The following ZNF804A variants were observed in gnomAD, a reference collection of about 807,000 sequenced individuals.
ZNF804A encodes the protein zinc finger protein 804A.
A neutral mutation model predicts 16.5 loss-of-function variants in ZNF804A; 2 were observed. That is an observed-to-expected ratio of 0.12 (90% confidence interval 0.05 to 0.38). The LOEUF is 0.38. ZNF804A is among the 10% of genes least tolerant of loss of function. ZNF804A has a pLI of 0.99. For missense variants in ZNF804A, 1,473 were observed against 1,390.7 expected, an observed-to-expected ratio of 1.06 and a Z score of -0.94; for synonymous variants, 534 against 489.6, an observed-to-expected ratio of 1.09 and a Z score of -1.20.
At chr2:184,696,383 A>C (rs958571961) in intron 1 of ZNF804A, among the ~76,000 whole-genome samples, 2 of 152,140 alleles carry the variant, frequency 1.3e-5, no homozygotes. Context: ...ATCTAGTAAA[A>C]AGAGGGATGG....
chr2:184,828,892 G>A (rs769947372), intron 1 of ZNF804A, among the ~76,000 whole-genome samples: 3 of 151,756 alleles, frequency 2.0e-5, no homozygotes, highest in Non-Finnish European at 4.4e-5. Flanking sequence ...AGAATCAAAC[G>A]AAAATGAGAC....
intron 2 of ZNF804A, among the ~76,000 whole-genome samples, chr2:184,873,834 T>C (rs1048612853): frequency 2.5e-4 from 38 of 152,240 alleles, no homozygotes; most frequent in African/African-American, 7.2e-4. Context: ...TAATATCAAG[T>C]GATAATGTGG....
intron 1 of ZNF804A, among the ~76,000 whole-genome samples, chr2:184,749,297 T>C (rs937702602): frequency 2.6e-5 from 4 of 151,490 alleles, no homozygotes; most frequent in Non-Finnish European, 5.9e-5. Context: ...TTCAACAATT[T>C]GGTTAGCTGT....
chr2:184,749,807 C>T (rs1009735672), intron 1 of ZNF804A, among the ~76,000 whole-genome samples: 7 of 151,130 alleles, frequency 4.6e-5, no homozygotes, highest in Non-Finnish European at 8.9e-5. Context: ...ACATTGCATT[C>T]AAGTAAAACT....
chr2:184,878,237 AC>A (rs895075935), intron 2 of ZNF804A, among the ~76,000 whole-genome samples: 104 of 152,206 alleles, frequency 6.8e-4, no homozygotes, highest in African/African-American at 2.4e-3. Flanking sequence ...GCTATGGACA[AC>A]AAAGAAATGC....
chr2:184,607,502 C>A (rs574092728), intron 1 of ZNF804A, among the ~76,000 whole-genome samples: 1 of 152,000 alleles, frequency 6.6e-6, no homozygotes, highest in African/African-American at 2.4e-5. Flanking sequence ...CTTATAAAAC[C>A]ATCAAATCTG....
At position 184,938,943 on chromosome 2, in the gene ZNF804A, G is replaced by T. The variant is rs549778907; in HGVS notation, c.3547G>T (p.Ala1183Ser). The T allele has an allele frequency of 1.2e-6, 2 of 1,613,626 alleles. No homozygotes were observed. The highest frequency in any genetic ancestry group is 2.2e-5 in the East Asian group (1 of 44,798). ...TTCCGTTCTTCATCCTAGCCATCTG[G>T]CTTTCCCATCTTTACCCCATGCACT... ...PASVLHPSHL[A>S]FPSLPHALFP... The change falls in exon 4 of 4, where the codon GCT (alanine) becomes TCT (serine). Residue 1183 changes from alanine to serine, a missense_variant. Coordinates refer to ENST00000302277, the MANE Select transcript of ZNF804A (RefSeq NM_194250.2).
At chr2:184,794,654 T>C (rs1694603841) in intron 1 of ZNF804A, among the ~76,000 whole-genome samples, 1 of 152,116 alleles carries the variant, frequency 6.6e-6, no homozygotes, top group Non-Finnish European at 1.5e-5. Context: ...GTACCTCACA[T>C]TTCAATACTA....
At chr2:184,806,613 C>A (rs569509288) in intron 1 of ZNF804A, among the ~76,000 whole-genome samples, 1 of 151,764 alleles carries the variant, frequency 6.6e-6, no homozygotes, top group African/African-American at 2.4e-5. Flanking sequence ...AATATACAGT[C>A]ACATTGTTTA....
intron 2 of ZNF804A, among the ~76,000 whole-genome samples, chr2:184,869,298 A>T (rs1314240344): frequency 1.3e-5 from 2 of 152,046 alleles, no homozygotes; most frequent in African/African-American, 4.8e-5. Context: ...TCATATGGGT[A>T]CTTACATGGA....
chr2:184,746,256 A>G (rs575122764), intron 1 of ZNF804A, among the ~76,000 whole-genome samples: 99 of 151,642 alleles, frequency 6.5e-4, no homozygotes, highest in African/African-American at 2.0e-3. Flanking sequence ...TAGTTGCCCT[A>G]TTGTGATACG....
At chr2:184,827,483 TATATATATATAAAA>T (rs1364604005) in intron 1 of ZNF804A, among the ~76,000 whole-genome samples, 2 of 146,326 alleles carry the variant, frequency 1.4e-5, no homozygotes, top group African/African-American at 5.0e-5. Flanking sequence ...AATATATATT[TATATATATATAAAA>T]ATATATATAT....
intron 2 of ZNF804A, among the ~76,000 whole-genome samples, chr2:184,900,800 C>T (rs1385765750): frequency 6.6e-6 from 1 of 152,108 alleles, no homozygotes; most frequent in Non-Finnish European, 1.5e-5. Context: ...ATCAGATCCT[C>T]CGCTGGTCAG....
intron 1 of ZNF804A, among the ~76,000 whole-genome samples, chr2:184,676,826 G>A (rs137861916): frequency 6.6e-6 from 1 of 151,512 alleles, no homozygotes; most frequent in Non-Finnish European, 1.5e-5. Flanking sequence ...TTCTGAAGTG[G>A]ACTATGTTCA....
intron 1 of ZNF804A, among the ~76,000 whole-genome samples, chr2:184,638,228 T>A (rs1460285304): frequency 2.0e-5 from 3 of 152,188 alleles, no homozygotes; most frequent in Non-Finnish European, 4.4e-5. Context: ...TCCTCTCCAA[T>A]CATAGATAAA....
chr2:184,613,672 A>T (rs1363731356), intron 1 of ZNF804A, among the ~76,000 whole-genome samples: 1 of 152,148 alleles, frequency 6.6e-6, no homozygotes. Context: ...CATAGCTGAT[A>T]TAAGAAGAAT....
At chr2:184,763,128 T>C (rs762697910) in intron 1 of ZNF804A, among the ~76,000 whole-genome samples, 35 of 152,158 alleles carry the variant, frequency 2.3e-4, no homozygotes, top group Non-Finnish European at 4.4e-4. Flanking sequence ...GGCCACCATC[T>C]AGATCTAAGA....
intron 1 of ZNF804A, among the ~76,000 whole-genome samples, chr2:184,608,642 C>T (rs1691188961): frequency 6.6e-6 from 1 of 152,124 alleles, no homozygotes; most frequent in Admixed American, 6.5e-5. Flanking sequence ...AATACTATTC[C>T]TCACTTTTAG....
At chr2:184,830,102 ACACC>A (rs540741071) in intron 1 of ZNF804A, among the ~76,000 whole-genome samples, 43 of 124,396 alleles carry the variant, frequency 3.5e-4, no homozygotes, top group African/African-American at 9.8e-4. Flanking sequence ...TCTCAACAAC[ACACC>A]CACCCACACA....
Sources: allele counts gnomAD v4.1 joint callset (sites outside exome capture counted in the v4.1 genomes callset), GRCh38; gene constraint gnomAD v4.1.1; transcripts MANE v1.5; gene names NCBI Gene and HGNC (gene_info 2026-07-23, HGNC 2026-07-21).